The following SULT1C4 variants were observed in gnomAD, a reference collection of about 807,000 sequenced individuals.
SULT1C4 encodes the protein sulfotransferase 1C4.
In SULT1C4, 32 loss-of-function variants were observed where a neutral mutation model predicts 34.8. The ratio of observed to expected loss-of-function variants is 0.92; its 90% confidence interval spans 0.69 to 1.23. The LOEUF is 1.23. Ranked by LOEUF, SULT1C4 falls within the 50% of genes most tolerant of loss-of-function variation. The pLI is 0.00. For synonymous variants in SULT1C4, 111 were observed against 120.5 expected (o/e 0.92, Z 0.51); for missense variants, 375 against 365.9 (o/e 1.02, Z -0.20).
At chr2:108,385,639 C>A (rs1484401542) in intron 5 of SULT1C4, among the ~76,000 whole-genome samples, 5 of 152,084 alleles carry the variant, frequency 3.3e-5, no homozygotes, top group African/African-American at 2.4e-5. Flanking sequence ...CCCTTTGATG[C>A]GAAATCAGTA....
chr2:108,384,970 G>A (rs759139236), intron 5 of SULT1C4, among the ~76,000 whole-genome samples: 2 of 152,164 alleles, frequency 1.3e-5, no homozygotes, highest in Non-Finnish European at 2.9e-5. Context: ...CTTCTCTAAG[G>A]TTCAATCACT....
At chr2:108,380,900 A>G (rs924064350) in intron 1 of SULT1C4, among the ~76,000 whole-genome samples, 10 of 152,210 alleles carry the variant, frequency 6.6e-5, no homozygotes, top group Non-Finnish European at 1.3e-4. Context: ...TCAGAATCTT[A>G]GTGGCAAAGG....
At position 108,381,852 on chromosome 2, in the gene SULT1C4, C is replaced by T. The variant is rs764526797; in HGVS notation, c.260C>T (p.Pro87Leu). 1 of 1,507,042 alleles carries T rather than the reference C, an allele frequency of 6.6e-7. No homozygotes were observed. The highest frequency in any genetic ancestry group is 1.4e-5 in the South Asian group (1 of 71,448). 93.4% of individuals were successfully genotyped at this position (1,507,042 alleles called of 1,614,324 possible). A position where few individuals can be genotyped will look rare whatever the true frequency, so the allele number is the denominator to read the frequency against. ...CGGGCACCGACTCATCAACGATTTC[C>T]TTTCCTCGAAATGAAAATCCCATCC... is the stretch of plus-strand genomic sequence containing the variant. ...SKRAPTHQRF[P>L]FLEMKIPSLG... is the part of the protein sequence containing the mutation. Residue 87 changes from proline (P) to leucine (L), a missense_variant, in exon 2 of 7, where the codon CCT becomes CTT. Physicochemically the swap from Pro to Leu is moderately conservative, Grantham distance 98. Coordinates refer to ENST00000272452, the MANE Select transcript of SULT1C4 (RefSeq NM_006588.4).
At chr2:108,382,364 G>A in intron 2 of SULT1C4, 21 bp from the exon 3 acceptor site, 2 of 1,595,938 alleles carry the variant, frequency 1.3e-6, no homozygotes, top group South Asian at 1.1e-5. Context: ...CGTAGAAATT[G>A]ATCGAAAACC....
At chr2:108,379,698 A>G (rs1265104858) in intron 1 of SULT1C4, among the ~76,000 whole-genome samples, 3 of 152,236 alleles carry the variant, frequency 2.0e-5, no homozygotes, top group African/African-American at 7.2e-5. Flanking sequence ...ATATACATTA[A>G]TGAAGGCTAT....
chr2:108,383,366 A>G lies in SULT1C4; in HGVS notation c.521-50A>G, dbSNP rs753346694. ...CTTCAGGAATTCTCCTTTCAGTGGT[A>G]TAATAGGACCTCTGTGACTCATTGT... On this transcript the variant is annotated intron_variant, in intron 4 of 6. Transcript: ENST00000272452. The G allele has an allele frequency of 5.6e-6, 9 of 1,599,640 alleles. No homozygotes were observed. In the East Asian group the frequency reaches 6.7e-5, roughly 12 times the overall value.
At chr2:108,385,669 C>T (rs1459716254) in intron 5 of SULT1C4, among the ~76,000 whole-genome samples, 2 of 152,130 alleles carry the variant, frequency 1.3e-5, no homozygotes, top group Non-Finnish European at 2.9e-5. Context: ...GAACTCAGCT[C>T]CTCTCAGTTC....
chr2:108,387,168 A>AAGTGACAGGATAGCAAGTCACTTCTC (rs1678588526), intron 6 of SULT1C4, 152 bp from the exon 7 acceptor site: 7 of 577,136 alleles, frequency 1.2e-5, no homozygotes, highest in Non-Finnish European at 2.1e-5. Flanking sequence ...TCTCTTCAGG[A>AAGTGACAGGATAGCAAGTCACTTCTC]TAAGGAAGTG....
In SULT1C4 at chr2:108,378,175, T is replaced by C. The variant is rs1020618357; in HGVS notation, c.-163T>C. 5.1e-6 allele frequency: 3 copies of C among 584,098 alleles called. No homozygotes were observed. Among genetic ancestry groups the C allele is most frequent in the Non-Finnish European group, 8.6e-6 (3 of 346,866 alleles). The allele number at this position is 584,098 out of a possible 1,614,324, so 36.2% of individuals were successfully genotyped here. On this transcript the variant is annotated 5_prime_UTR_variant, in exon 1 of 7. Coordinates refer to ENST00000272452, the MANE Select transcript of SULT1C4 (RefSeq NM_006588.4). ...TCCCTGGAACCTGAGTCGGGAGGCCTGCAACTCACTTTCTCCCTGTTTGCT... is the reference window on the plus strand; with the variant it reads ...TCCCTGGAACCTGAGTCGGGAGGCCCGCAACTCACTTTCTCCCTGTTTGCT...
In SULT1C4 at chr2:108,386,352, TTTCTCCA is replaced by T. The variant is rs1177836897; in HGVS notation, c.780_786del (p.Pro261Ter). ...CCTGCTGAAATCATGGACCACTCCA[TTTCTCCA>T]TTCATGAGAAAAGGTTTTTATAGTT... On this transcript the variant is annotated frameshift_variant, in exon 6 of 7. Coordinates refer to ENST00000272452, the MANE Select transcript of SULT1C4 (RefSeq NM_006588.4). LOFTEE classifies it low-confidence loss of function (END_TRUNC). 6.6e-7 allele frequency: 1 copy of T among 1,506,622 alleles called. No homozygotes were observed. Among genetic ancestry groups the T allele is most frequent in the Admixed American group, 2.2e-5 (1 of 46,128 alleles). The allele number at this position is 1,506,622 out of a possible 1,614,324, so 93.3% of individuals were successfully genotyped here.
At chr2:108,385,233 G>A (rs577152690) in intron 5 of SULT1C4, among the ~76,000 whole-genome samples, 6 of 152,324 alleles carry the variant, frequency 3.9e-5, no homozygotes, top group Non-Finnish European at 2.9e-5. Context: ...CCTACAGCAT[G>A]TATCATAGCC....
At position 108,383,586 on chromosome 2, in the gene SULT1C4, G is replaced by T. The variant is rs953952044; in HGVS notation, c.615+76G>T. On this transcript the variant is annotated intron_variant, in intron 5 of 6. Transcript: ENST00000272452. ...GTCATAATGCATTGACCCCATCAGG[G>T]ACTCAGATTGATGCGGGGAACCGAA... 5.3e-6 allele frequency: 7 copies of T among 1,328,962 alleles called. No individual in the cohort carries two copies. In the African/African-American group the frequency reaches 7.3e-5, roughly 14 times the overall value. 82.3% of individuals were successfully genotyped at this position (1,328,962 alleles called of 1,614,324 possible). A position where few individuals can be genotyped will look rare whatever the true frequency, so the allele number is the denominator to read the frequency against.
At chr2:108,380,013 A>G (rs900600833) in intron 1 of SULT1C4, among the ~76,000 whole-genome samples, 2 of 152,236 alleles carry the variant, frequency 1.3e-5, no homozygotes, top group Admixed American at 6.5e-5. Context: ...ATAGCTAAAG[A>G]TATCTTGGCC....
chr2:108,383,737 T>C (rs1270729884), intron 5 of SULT1C4, among the ~76,000 whole-genome samples: 1 of 152,206 alleles, frequency 6.6e-6, no homozygotes, highest in Non-Finnish European at 1.5e-5. Flanking sequence ...ACATTTCCCT[T>C]ACAGGCAGGT....
chr2:108,387,477 T>TA lies in SULT1C4; in HGVS notation c.*45_*46insA. On this transcript the variant is annotated 3_prime_UTR_variant, in exon 7 of 7. Transcript: ENST00000272452. ...ATGTTTTAGTTTATTACCCAGTATA[T>TA]TTGGGTAATAATGAAAGTTTAATTC... 2.5e-5 allele frequency: 31 copies of TA among 1,247,382 alleles called. No individual in the cohort carries two copies. The highest frequency in any genetic ancestry group is 3.3e-5 in the Non-Finnish European group (29 of 866,486). 77.3% of individuals were successfully genotyped at this position (1,247,382 alleles called of 1,614,324 possible). A position where few individuals can be genotyped will look rare whatever the true frequency, so the allele number is the denominator to read the frequency against.
At position 108,378,478 on chromosome 2, in the gene SULT1C4, C is replaced by T. The variant is rs769781885; in HGVS notation, c.141C>T (p.Asp47=). 6.2e-7 allele frequency: 1 copy of T among 1,614,098 alleles called. No individual in the cohort carries two copies. Among genetic ancestry groups the T allele is most frequent in the South Asian group, 1.1e-5 (1 of 91,080 alleles). Reference sequence around the variant, plus strand: ...GGAACTTCCAAGCCAAGCCTGATGACCTGCTTATTTCTACCTATCCTAAAG... The same window carrying T: ...GGAACTTCCAAGCCAAGCCTGATGATCTGCTTATTTCTACCTATCCTAAAG... ...KIWNFQAKPD[D]LLISTYPKAG... The change falls in exon 1 of 7, where the codon GAC becomes GAT. Residue 47 remains aspartate (D), a synonymous_variant. Coordinates refer to ENST00000272452, the MANE Select transcript of SULT1C4 (RefSeq NM_006588.4).
intron 1 of SULT1C4, among the ~76,000 whole-genome samples, chr2:108,379,578 T>C (rs950776381): frequency 1.3e-5 from 2 of 152,188 alleles, no homozygotes; most frequent in African/African-American, 2.4e-5. Context: ...TACAAAGATA[T>C]GGTTCATTTA....
In SULT1C4 at chr2:108,383,461, CCAAAGA is replaced by C; in HGVS notation, c.571_576del (p.Asp191_Lys192del). ...GAACATGTGAAAGGATGGTGGGAAG[CCAAAGA>C]CAAACACCGTATTCTCTATCTCTTC... On this transcript the variant is annotated inframe_deletion, in exon 5 of 7. Transcript: ENST00000272452. 6.2e-7 allele frequency: 1 copy of C among 1,614,142 alleles called. No homozygotes were observed. The highest frequency in any genetic ancestry group is 8.5e-7 in the Non-Finnish European group (1 of 1,180,004).
rs1253216712 is a variant in SULT1C4, at chr2:108,387,371, T to G, written c.848T>G (p.Phe283Cys). Residue 283 changes from phenylalanine (F) to cysteine (C), a missense_variant, in exon 7 of 7, where the codon TTT (phenylalanine) becomes TGT (cysteine). Transcript: ENST00000272452. ...TTCACCGTGGCTCAGAATGAGAGATTTGATGAAGATTACAAGAAGAAAATG... is the reference window on the plus strand; with the variant it reads ...TTCACCGTGGCTCAGAATGAGAGATGTGATGAAGATTACAAGAAGAAAATG... ...KHFTVAQNER[F>C]DEDYKKKMTD... 1 of 1,613,624 alleles carries G rather than the reference T, an allele frequency of 6.2e-7. No individual in the cohort carries two copies. The highest frequency in any genetic ancestry group is 1.3e-5 in the African/African-American group (1 of 74,878).
Sources: allele counts gnomAD v4.1 joint callset (sites outside exome capture counted in the v4.1 genomes callset), GRCh38; gene constraint gnomAD v4.1.1; transcripts MANE v1.5; gene names NCBI Gene and HGNC (gene_info 2026-07-23, HGNC 2026-07-21).